PRPF40B: variants seen among roughly 807,000 people sequenced by gnomAD.
The protein encoded by PRPF40B is pre-mRNA-processing factor 40 homolog B.
Under a neutral mutation model 124.5 loss-of-function variants are expected in PRPF40B, and 56 were observed. The ratio of observed to expected loss-of-function variants is 0.45; its 90% CI spans 0.36 to 0.56. PRPF40B has a LOEUF of 0.56. Among genes scored for constraint, PRPF40B ranks in the 20% least tolerant of loss-of-function variants. The probability of loss-of-function intolerance (pLI) is 0.00; values close to 1 mark genes in which losing one functional copy is unlikely to be tolerated. For missense variants in PRPF40B, 1,053 were observed against 1,169.5 expected (o/e 0.90, Z 1.45); for synonymous variants, 443 against 426.4 (o/e 1.04, Z -0.48).
In PRPF40B at chr12:49,635,198, G is replaced by A. The variant is rs200033753; in HGVS notation, c.1101G>A (p.Glu367=). 16 of 1,614,156 alleles carry A rather than the reference G, an allele frequency of 9.9e-6. No individual in the cohort carries two copies. The East Asian group carries it at 3.3e-4, about 34-fold the overall frequency. Residue 367 remains glutamate (E), a synonymous_variant, in exon 13 of 26, where the codon GAG becomes GAA. Coordinates refer to ENST00000548825, the MANE Select transcript of PRPF40B (RefSeq NM_001031698.3). This position sits in a 1 kb window ranked among gnomAD's most constrained non-coding sequence, Gnocchi z 4.1. ...AGGAGGCCCGGCTAAGGGCCAAAGA[G>A]GCCAAGCAGACCCTGCAGCATTTCC... is the stretch of plus-strand genomic sequence containing the variant. ...EKEEARLRAK[E]AKQTLQHFLE...
intron 1 of PRPF40B, chr12:49,624,200 A>G: frequency 1.0e-6 from 1 of 975,676 alleles, no homozygotes; most frequent in Non-Finnish European, 1.2e-6. Context: ...TGGGCCTCAG[A>G]TTTCCCATCA....
chr12:49,642,674 A>G lies in PRPF40B; in HGVS notation c.2117A>G (p.Glu706Gly). 1 of 1,613,598 alleles carries G rather than the reference A, an allele frequency of 6.2e-7. No homozygotes were observed. ...RLFREFLQVL[E>G]TECQHLHTKG... The stretch of plus-strand genomic sequence containing the variant: ...TTCCGGGAGTTCCTACAGGTGCTGG[A>G]GGTGAGGCAGGCTTGTCCTCTGGAT... Residue 706 changes from glutamate to glycine, a missense_variant and splice_region_variant, in exon 21 of 26, where the codon GAG becomes GGG. Around this residue, in one of 2 missense-constraint regions of PRPF40B, gnomAD observed 895 missense variants for 1,052.2 expected, o/e 0.85. Coordinates refer to ENST00000548825, the MANE Select transcript of PRPF40B (RefSeq NM_001031698.3). The surrounding 1 kb of genome is among the most constrained non-coding windows in gnomAD (Gnocchi z 5.8).
chr12:49,622,972 G>C (rs1423719279), upstream of PRPF40B, among the ~76,000 whole-genome samples: 1 of 152,064 alleles, frequency 6.6e-6, no homozygotes, highest in Non-Finnish European at 1.5e-5. Flanking sequence ...CGCTCAGTGG[G>C]AGCCAGGTCC....
chr12:49,633,692 GT>G, intron 9 of PRPF40B, 31 bp downstream of exon 9: 1 of 1,614,136 alleles, frequency 6.2e-7, no homozygotes, highest in Non-Finnish European at 8.5e-7. Context: ...TCCATTTATA[GT>G]TGGGGCACCT....
At chr12:49,624,229 T>G in intron 1 of PRPF40B, 4 of 914,912 alleles carry the variant, frequency 4.4e-6, no homozygotes, top group Non-Finnish European at 5.2e-6. Flanking sequence ...AAAAAGGAAA[T>G]GCATGAAAAT....
intron 23 of PRPF40B, 109 bp downstream of exon 23, chr12:49,643,506 C>T (rs1942943870): frequency 1.4e-6 from 2 of 1,438,144 alleles, no homozygotes; most frequent in Admixed American, 4.8e-5. Context: ...GGGAGGGCTG[C>T]ACCTGTGGAA....
At chr12:49,633,159 C>G (rs1164784711) in intron 7 of PRPF40B, 35 bp downstream of exon 7, 1 of 1,527,080 alleles carries the variant, frequency 6.5e-7, no homozygotes, top group East Asian at 2.4e-5. Flanking sequence ...TTCCTTTCAG[C>G]TGCCCTGACC....
rs779567676 is a variant in PRPF40B at position 49,642,044 on chromosome 12, G to T, written c.1884+20G>T. ...AATAGTGTGAGGGGCTGGGCGGGGC[G>T]TGGGAAGTTCTCTAATTCATCTGTG... On this transcript the variant is annotated intron_variant, in intron 19 of 25. Coordinates refer to ENST00000548825, the MANE Select transcript of PRPF40B (RefSeq NM_001031698.3). The surrounding 1 kb of genome is among the most constrained non-coding windows in gnomAD (Gnocchi z 5.8). The T allele has an allele frequency of 6.2e-7, 1 of 1,608,432 alleles. No homozygotes were observed. The highest frequency in any genetic ancestry group is 8.5e-7 in the Non-Finnish European group (1 of 1,177,812).
chr12:49,623,878 C>G, intron 1 of PRPF40B: 1 of 1,173,212 alleles, frequency 8.5e-7, no homozygotes, highest in Non-Finnish European at 1.1e-6. Flanking sequence ...GGTGGGTTCG[C>G]GGAGAAAGAT....
At position 49,631,348 on chromosome 12, in the gene PRPF40B, C is replaced by T. The variant is rs1171126086; in HGVS notation, c.85-53C>T. 3 of 1,376,344 alleles carry T rather than the reference C, an allele frequency of 2.2e-6. No homozygotes were observed. The highest frequency in any genetic ancestry group is 2.5e-5 in the East Asian group (1 of 39,430). 85.3% of individuals were successfully genotyped at this position (1,376,344 alleles called of 1,614,324 possible). A position where few individuals can be genotyped will look rare whatever the true frequency, so the allele number is the denominator to read the frequency against. On this transcript the variant is annotated intron_variant, in intron 2 of 25. Coordinates refer to ENST00000548825, the MANE Select transcript of PRPF40B (RefSeq NM_001031698.3). This position sits in a 1 kb window ranked among gnomAD's most constrained non-coding sequence, Gnocchi z 4.3. ...ATTTCCTGACAGGTCCTCTCTACCT[C>T]TGACAAGGCGATGTCTTCCCTGCTC...
Position 49,632,729 on chromosome 12 carries a change from C to G in PRPF40B, c.322+106C>G, listed in dbSNP as rs1439109194. 9 of 1,593,202 alleles carry G rather than the reference C, an allele frequency of 5.6e-6. No individual in the cohort carries two copies. The African/African-American group carries it at 1.2e-4, about 21-fold the overall frequency. On this transcript the variant is annotated intron_variant, in intron 5 of 25. Transcript: ENST00000548825. ...CCCTGGATCATGCCTGTTGGGATGC[C>G]AAGGAGTCTGGGATATTGATGGGAC...
At position 49,633,002 on chromosome 12, in the gene PRPF40B, C is replaced by A. The variant is rs770664711; in HGVS notation, c.349-12C>A. 3.4e-5 allele frequency: 18 copies of A among 530,626 alleles called. No individual in the cohort carries two copies. Among genetic ancestry groups the A allele is most frequent in the Admixed American group, 2.0e-4 (9 of 45,258 alleles). 32.9% of individuals were successfully genotyped at this position (530,626 alleles called of 1,614,324 possible). On this transcript the variant is annotated splice_polypyrimidine_tract_variant and intron_variant, in intron 6 of 25. Transcript: ENST00000548825. ...GCCTTGACCACCATTCTGTGCCCCC[C>A]CCCCCACCCAGAGGGCCCTATGGAG... is the stretch of plus-strand genomic sequence containing the variant.
intron 18 of PRPF40B, chr12:49,640,808 T>C (rs1283425092): frequency 2.0e-5 from 3 of 152,232 alleles, no homozygotes; most frequent in Non-Finnish European, 4.4e-5. Context: ...GGTAGTTAGC[T>C]TGATGAAGGG....
intron 1 of PRPF40B, among the ~76,000 whole-genome samples, chr12:49,624,894 T>C (rs1056329125): frequency 1.3e-5 from 2 of 149,580 alleles, no homozygotes; most frequent in African/African-American, 4.9e-5. Flanking sequence ...GTAAGGCAGA[T>C]CTTTGGGGAG....
In PRPF40B at chr12:49,643,598, C is replaced by T. The variant is rs1018070489; in HGVS notation, c.2381-93C>T. On this transcript the variant is annotated intron_variant, in intron 23 of 25. Coordinates refer to ENST00000548825, the MANE Select transcript of PRPF40B (RefSeq NM_001031698.3). ...TTAGACTTCCTCAGAGCATGAGGTTCCTGCCTGTGAAGAATGAACAGAGGG... is the reference window on the plus strand; with the variant it reads ...TTAGACTTCCTCAGAGCATGAGGTTTCTGCCTGTGAAGAATGAACAGAGGG... 9.1e-6 allele frequency: 13 copies of T among 1,435,062 alleles called. No homozygotes were observed. In the African/African-American group the frequency reaches 1.9e-4, roughly 21 times the overall value. The allele number at this position is 1,435,062 out of a possible 1,614,324, so 88.9% of individuals were successfully genotyped here.
chr12:49,642,139 C>G lies in PRPF40B; in HGVS notation c.1885-96C>G, dbSNP rs1942753372. 6.2e-7 allele frequency: 1 copy of G among 1,605,880 alleles called. No individual in the cohort carries two copies. Among genetic ancestry groups the G allele is most frequent in the African/African-American group, 1.3e-5 (1 of 74,906 alleles). On this transcript the variant is annotated intron_variant, in intron 19 of 25. Transcript: ENST00000548825. The surrounding 1 kb of genome is among the most constrained non-coding windows in gnomAD (Gnocchi z 5.8). ...CCAATTCAGGGGATGGTGGTAGAAG[C>G]CCAGACCCTAACTTTCCACCTCCTA...
intron 10 of PRPF40B, 46 bp from the exon 11 acceptor site, chr12:49,634,286 T>C (rs756632044): frequency 6.2e-6 from 10 of 1,613,282 alleles, no homozygotes; most frequent in Non-Finnish European, 7.6e-6. Flanking sequence ...CACTGAAAGC[T>C]GTGAGAGCTG....
intron 1 of PRPF40B, among the ~76,000 whole-genome samples, chr12:49,628,924 A>G (rs1017783656): frequency 6.6e-6 from 1 of 152,190 alleles, no homozygotes; most frequent in Non-Finnish European, 1.5e-5. Context: ...AGCATTCTCA[A>G]CATAGGGGAA....
chr12:49,630,435 C>T lies in PRPF40B; in HGVS notation c.4-110C>T, dbSNP rs1398317365. The T allele has an allele frequency of 3.4e-5, 24 of 702,062 alleles. No individual in the cohort carries two copies. In the Admixed American group the frequency reaches 4.0e-4, roughly 12 times the overall value. The allele number at this position is 702,062 out of a possible 1,614,324, so 43.5% of individuals were successfully genotyped here. A position where few individuals can be genotyped will look rare whatever the true frequency, so the allele number is the denominator to read the frequency against. On this transcript the variant is annotated intron_variant, in intron 1 of 25. Transcript: ENST00000548825. ...TGGGCAGGAAATCGGGCTTGAAGACCCTCCTGAATTTTGTGCTCCTTTTTC... is the reference window on the plus strand; with the variant it reads ...TGGGCAGGAAATCGGGCTTGAAGACTCTCCTGAATTTTGTGCTCCTTTTTC...
Sources: allele counts gnomAD v4.1 joint callset (sites outside exome capture counted in the v4.1 genomes callset), GRCh38; gene constraint gnomAD v4.1.1; regional missense constraint gnomAD v4.1.1; non-coding constraint Gnocchi (gnomAD v3.1); transcripts MANE v1.5; gene names NCBI Gene and HGNC (gene_info 2026-07-23, HGNC 2026-07-21).